The following HSF2BP variants were observed in gnomAD, a reference collection of about 807,000 sequenced individuals.
HSF2BP encodes heat shock factor 2-binding protein.
In HSF2BP, 35 loss-of-function variants were observed where a neutral mutation model predicts 35.0. That is an observed-to-expected ratio of 1.00 (90% confidence interval 0.76 to 1.32). The LOEUF (loss-of-function observed/expected upper bound fraction) is 1.32. Among genes scored for constraint, HSF2BP ranks in the 40% most tolerant of loss-of-function variants. HSF2BP has a pLI of 0.00. For synonymous variants in HSF2BP, 114 were observed against 117.4 expected (o/e 0.97, Z 0.18); for missense variants, 326 against 321.7 (o/e 1.01, Z -0.10).
chr21:43,585,347 G>C (rs574534466), intron 8 of HSF2BP, among the ~76,000 whole-genome samples: 4 of 152,058 alleles, frequency 2.6e-5, no homozygotes. Flanking sequence ...GTCTCACTCC[G>C]CATTTTGACT....
intron 4 of HSF2BP, among the ~76,000 whole-genome samples, chr21:43,637,249 A>C (rs1019065703): frequency 3.3e-5 from 5 of 152,226 alleles, no homozygotes; most frequent in African/African-American, 1.2e-4. Context: ...AGAATAAATG[A>C]TGTATGCTAT....
intron 4 of HSF2BP, among the ~76,000 whole-genome samples, chr21:43,640,760 T>A (rs909193470): frequency 6.6e-6 from 1 of 151,906 alleles, no homozygotes; most frequent in African/African-American, 2.4e-5. Context: ...CACAAAAAAA[T>A]TTTTTTGTTT....
chr21:43,590,929 A>T (rs757347294), intron 8 of HSF2BP, among the ~76,000 whole-genome samples: 14 of 152,238 alleles, frequency 9.2e-5, no homozygotes, highest in Non-Finnish European at 1.8e-4. Flanking sequence ...TGATTGTGAT[A>T]ATAATTTTAC....
chr21:43,610,708 C>T (rs1219640113), intron 7 of HSF2BP, among the ~76,000 whole-genome samples: 2 of 152,276 alleles, frequency 1.3e-5, no homozygotes, highest in South Asian at 2.1e-4. Flanking sequence ...GTGGGAAACA[C>T]GAACACTGAC....
intron 8 of HSF2BP, among the ~76,000 whole-genome samples, chr21:43,576,829 C>A (rs942256728): frequency 1.3e-5 from 2 of 152,098 alleles, no homozygotes; most frequent in East Asian, 1.9e-4. Context: ...TCCTCAATTC[C>A]CAATTTCACT....
chr21:43,632,600 C>T (rs1198417795), intron 5 of HSF2BP, among the ~76,000 whole-genome samples: 3 of 152,072 alleles, frequency 2.0e-5, no homozygotes, highest in Admixed American at 1.3e-4. Context: ...TCCAGCCTCC[C>T]CTTCCACCTC....
chr21:43,642,906 T>A (rs2082658654), intron 4 of HSF2BP, among the ~76,000 whole-genome samples: 2 of 150,350 alleles, frequency 1.3e-5, no homozygotes, highest in Admixed American at 6.7e-5. Flanking sequence ...TTCAAGCAAT[T>A]CTCCTGCCTC....
intron 8 of HSF2BP, among the ~76,000 whole-genome samples, chr21:43,584,892 C>G (rs2081827451): frequency 6.6e-6 from 1 of 152,140 alleles, no homozygotes; most frequent in Admixed American, 6.5e-5. Flanking sequence ...AACTAAAGGA[C>G]AAGTTTGAAA....
chr21:43,573,030 G>C (rs1328317373), intron 8 of HSF2BP, among the ~76,000 whole-genome samples: 2 of 152,236 alleles, frequency 1.3e-5, no homozygotes, highest in African/African-American at 4.8e-5. Flanking sequence ...GTCCTTACGA[G>C]GCTCTAAGTG....
At position 43,643,901 on chromosome 21, in the gene HSF2BP, GC is replaced by G. The variant is rs567533845; in HGVS notation, c.291+387del. On this transcript the variant is annotated intron_variant, in intron 4 of 8. Transcript: ENST00000291560. Reference sequence around the variant, plus strand: ...ACCCAGGAGGCGGAGCTTGCAGTGAGCCGAGATTGCACCACTGCACTCCAGC... The same window carrying G: ...ACCCAGGAGGCGGAGCTTGCAGTGAGCGAGATTGCACCACTGCACTCCAGC... Among the ~76,000 whole-genome samples the G allele has an allele frequency of 1.2e-3, 186 of 151,128 alleles. 1 individual carries two copies. Among genetic ancestry groups the G allele is most frequent in the South Asian group, 3.7e-3 (18 of 4,820 alleles).
intron 8 of HSF2BP, among the ~76,000 whole-genome samples, chr21:43,587,387 C>G (rs914828685): frequency 1.3e-5 from 2 of 151,578 alleles, no homozygotes; most frequent in East Asian, 3.9e-4. Flanking sequence ...CTGGGATGGC[C>G]AGGCACGGTA....
At chr21:43,494,716 TCA>T in the HSF2BP span, among the ~76,000 whole-genome samples, 1 of 22,836 alleles carries the variant, frequency 4.4e-5, no homozygotes, top group Non-Finnish European at 8.5e-5. Context: ...TCTGTCTCCC[TCA>T]CACACAGAGT....
chr21:43,578,284 T>C (rs543807149), intron 8 of HSF2BP, among the ~76,000 whole-genome samples: 1 of 152,270 alleles, frequency 6.6e-6, no homozygotes, highest in South Asian at 2.1e-4. Context: ...CAAATCCTGA[T>C]GCCTGGGCCC....
intron 4 of HSF2BP, among the ~76,000 whole-genome samples, chr21:43,641,150 G>A (rs886233373): frequency 3.3e-5 from 5 of 152,150 alleles, no homozygotes; most frequent in African/African-American, 1.2e-4. Context: ...CCACCACCAC[G>A]CCTGGCTAAT....
At chr21:43,591,434 T>A (rs1378080) in intron 8 of HSF2BP, among the ~76,000 whole-genome samples, 99,388 of 152,086 alleles carry the variant, frequency 0.65, 32,965 homozygotes, top group East Asian at 0.79. Context: ...GCTGTTTACC[T>A]GCTGTTTTAT....
chr21:43,636,991 G>A (rs541903907), intron 4 of HSF2BP, among the ~76,000 whole-genome samples: 1 of 151,168 alleles, frequency 6.6e-6, no homozygotes, highest in East Asian at 1.9e-4. Flanking sequence ...ATTCATAACA[G>A]TCAAAAACTG....
chr21:43,633,063 G>T (rs1227441958), intron 5 of HSF2BP, among the ~76,000 whole-genome samples: 2 of 152,146 alleles, frequency 1.3e-5, no homozygotes, highest in African/African-American at 4.8e-5. Flanking sequence ...ATACCACAAG[G>T]TCTCCTGGAG....
chr21:43,601,165 C>T (rs1258374683), intron 7 of HSF2BP, among the ~76,000 whole-genome samples: 1 of 152,114 alleles, frequency 6.6e-6, no homozygotes. Context: ...CACATGCAGA[C>T]GGGGACTCTG....
intron 3 of HSF2BP, among the ~76,000 whole-genome samples, chr21:43,645,145 C>A (rs1238230452): frequency 6.6e-6 from 1 of 152,108 alleles, no homozygotes; most frequent in Non-Finnish European, 1.5e-5. Context: ...AGTTTTTATG[C>A]CAACATATAC....
Sources: allele counts gnomAD v4.1 joint callset (sites outside exome capture counted in the v4.1 genomes callset), GRCh38; gene constraint gnomAD v4.1.1; transcripts MANE v1.5; gene names NCBI Gene and HGNC (gene_info 2026-07-23, HGNC 2026-07-21).